CRNKL1: variants seen among roughly 807,000 people sequenced by gnomAD.
CRNKL1 encodes the protein crooked neck pre-mRNA splicing factor 1.
In CRNKL1, 35 loss-of-function variants were observed where a neutral mutation model predicts 103.7. The observed-to-expected ratio is 0.34, with a 90% CI of 0.26 to 0.45. The LOEUF (loss-of-function observed/expected upper bound fraction) is 0.45, where lower values mean the gene tolerates loss of function less well. CRNKL1 is among the 20% of genes least tolerant of loss of function. The pLI is 1.00. For synonymous variants in CRNKL1, 267 were observed against 282.6 expected (o/e 0.94, Z 0.55); for missense variants, 645 against 836.0 (o/e 0.77, Z 2.82).
chr20:20,037,290 G>GT lies in CRNKL1; in HGVS notation c.1896+32dup, dbSNP rs747018828. 6.3e-6 allele frequency: 10 copies of GT among 1,598,624 alleles called. No homozygotes were observed. In the South Asian group the frequency reaches 1.1e-4, roughly 18 times the overall value. The stretch of plus-strand genomic sequence containing the variant: ...TCAGAAGTGTTTCTACTCATGTGAC[G>GT]TGAGATGAACAGTCCCAGGGCAGAG... On this transcript the variant is annotated intron_variant, in intron 13 of 13. Coordinates refer to ENST00000536226, the MANE Select transcript of CRNKL1 (RefSeq NM_001278628.2).
At chr20:20,049,684 T>G (rs992858360) in intron 2 of CRNKL1, among the ~76,000 whole-genome samples, 12 of 152,234 alleles carry the variant, frequency 7.9e-5, no homozygotes, top group African/African-American at 2.7e-4. Flanking sequence ...CCTCTGGTAA[T>G]TCTCAGAATT....
At chr20:20,052,743 A>C, upstream of CRNKL1, 1 of 1,576,868 alleles carries the variant, frequency 6.3e-7, no homozygotes, top group African/African-American at 1.4e-5. Flanking sequence ...GTAAGAACGG[A>C]GCTCCAATCT....
chr20:20,043,999 C>T (rs1423666724), intron 6 of CRNKL1, among the ~76,000 whole-genome samples: 1 of 152,192 alleles, frequency 6.6e-6, no homozygotes, highest in Non-Finnish European at 1.5e-5. Flanking sequence ...GCCTAACCTA[C>T]AGTCACTTGC....
At chr20:20,054,189 A>G (rs1692535761), upstream of CRNKL1, among the ~76,000 whole-genome samples, 1 of 151,780 alleles carries the variant, frequency 6.6e-6, no homozygotes, top group African/African-American at 2.4e-5. Flanking sequence ...TTCTTTCTAC[A>G]AGATTCTTTG....
chr20:20,049,828 T>G (rs2043656998), intron 2 of CRNKL1, among the ~76,000 whole-genome samples: 1 of 151,994 alleles, frequency 6.6e-6, no homozygotes, highest in Non-Finnish European at 1.5e-5. Flanking sequence ...CTTTCTTTTT[T>G]TTTTTTTGAG....
chr20:20,045,624 A>C, intron 5 of CRNKL1, 138 bp from the exon 6 acceptor site: 1 of 707,100 alleles, frequency 1.4e-6, no homozygotes, highest in Non-Finnish European at 2.3e-6. Flanking sequence ...AACACATACA[A>C]AAGTGTAGAA....
chr20:20,037,227 G>T, intron 13 of CRNKL1, 96 bp downstream of exon 13: 1 of 1,434,494 alleles, frequency 7.0e-7, no homozygotes, highest in Non-Finnish European at 9.4e-7. Context: ...TCCATTCTAA[G>T]ATTGTACATA....
chr20:20,034,545 A>ACAT lies in CRNKL1; in HGVS notation c.*1647_*1649dup, dbSNP rs748784989. ...AATTTTTTTCTTATGCATTCATGCA[A>ACAT]CATAAACAGATAATTCTAGGAAGAC... On this transcript the variant is annotated 3_prime_UTR_variant, in exon 14 of 14. Transcript: ENST00000536226. 2.3e-5 allele frequency: 3 copies of ACAT among 130,794 alleles called. No individual in the cohort carries two copies. Among genetic ancestry groups the ACAT allele is most frequent in the African/African-American group, 7.4e-5 (3 of 40,590 alleles). 8.1% of individuals were successfully genotyped at this position (130,794 alleles called of 1,614,324 possible). A position where few individuals can be genotyped will look rare whatever the true frequency, so the allele number is the denominator to read the frequency against.
intron 4 of CRNKL1, 67 bp from the exon 5 acceptor site, chr20:20,047,998 T>C (rs768059660): frequency 8.3e-5 from 124 of 1,502,972 alleles, no homozygotes; most frequent in African/African-American, 1.1e-4. Flanking sequence ...GGGAAGAAGA[T>C]TGAAGATTTT....
rs1269930833 is a variant in CRNKL1 at position 20,037,435 on chromosome 20, T to G, written c.1784A>C (p.Glu595Ala). 6 of 1,614,170 alleles carry G rather than the reference T, an allele frequency of 3.7e-6. No individual in the cohort carries two copies. The highest frequency in any genetic ancestry group is 4.2e-6 in the Non-Finnish European group (5 of 1,180,028). ...TTCTTCTTCAAAACTTCGCCAAGATTCCAGCAGCATAAGTCTCTCTTCCTT... is the reference window on the plus strand; with the variant it reads ...TTCTTCTTCAAAACTTCGCCAAGATGCCAGCAGCATAAGTCTCTCTTCCTT... Reference protein sequence around the residue: ...EEKEERLMLLESWRSFEEEFG... With the variant: ...EEKEERLMLLASWRSFEEEFG... Residue 595 changes from glutamate (E) to alanine (A), a missense_variant, in exon 13 of 14, where the codon GAA (glutamate) becomes GCA (alanine). Physicochemically the swap from Glu to Ala is moderately radical, Grantham distance 107. Transcript: ENST00000536226.
rs567095170 is a variant in CRNKL1, at chr20:20,048,508, A to C, written c.297-7T>G. On this transcript the variant is annotated splice_region_variant and splice_polypyrimidine_tract_variant and intron_variant, in intron 3 of 13. Coordinates refer to ENST00000536226, the MANE Select transcript of CRNKL1 (RefSeq NM_001278628.2). ...CTCGTATATGGATCGAGCCCTTAAGAAGCAAGATTTGCAGGGCATCAAAAA... is the reference window on the plus strand; with the variant it reads ...CTCGTATATGGATCGAGCCCTTAAGCAGCAAGATTTGCAGGGCATCAAAAA... The C allele has an allele frequency of 2.5e-6, 4 of 1,613,568 alleles. No homozygotes were observed. The South Asian group carries it at 3.3e-5, about 13-fold the overall frequency.
Position 20,045,301 on chromosome 20 carries a change from T to C in CRNKL1, c.801+7A>G. ...TTTTACAGTATAATGAAGTTAGGTATACTTACCTCTTTCTGATTTTCTTCA... is the reference window on the plus strand; with the variant it reads ...TTTTACAGTATAATGAAGTTAGGTACACTTACCTCTTTCTGATTTTCTTCA... On this transcript the variant is annotated splice_region_variant and intron_variant, in intron 6 of 13. Coordinates refer to ENST00000536226, the MANE Select transcript of CRNKL1 (RefSeq NM_001278628.2). The C allele has an allele frequency of 1.9e-6, 3 of 1,606,922 alleles. No individual in the cohort carries two copies. The highest frequency in any genetic ancestry group is 1.1e-5 in the South Asian group (1 of 89,966).
At chr20:20,043,089 G>T (rs1393616814) in intron 7 of CRNKL1, among the ~76,000 whole-genome samples, 1 of 152,188 alleles carries the variant, frequency 6.6e-6, no homozygotes, top group African/African-American at 2.4e-5. Context: ...AAGAGATGCC[G>T]ATGGAACCCT....
chr20:20,045,428 T>C lies in CRNKL1; in HGVS notation c.681A>G (p.Lys227=). 3 of 1,613,140 alleles carry C rather than the reference T, an allele frequency of 1.9e-6. No individual in the cohort carries two copies. Among genetic ancestry groups the C allele is most frequent in the Admixed American group, 3.3e-5 (2 of 59,884 alleles). ...TCCGTGCATGGGCAAAATAAGCATGTTTTTCTTCAAAGCGGGCATACTTGA... is the reference window on the plus strand; with the variant it reads ...TCCGTGCATGGGCAAAATAAGCATGCTTTTCTTCAAAGCGGGCATACTTGA... ...NWIKYARFEE[K]HAYFAHARKV... Residue 227 remains lysine, a synonymous_variant, in exon 6 of 14, where the codon AAA becomes AAG. Transcript: ENST00000536226.
intron 11 of CRNKL1, among the ~76,000 whole-genome samples, chr20:20,039,027 A>T (rs1053972498): frequency 6.6e-6 from 1 of 152,220 alleles, no homozygotes; most frequent in East Asian, 1.9e-4. Context: ...TAATTAATGC[A>T]ATCAGGGGGC....
intron 12 of CRNKL1, 145 bp from the exon 13 acceptor site, chr20:20,037,716 A>G: frequency 1.4e-6 from 1 of 705,560 alleles, no homozygotes; most frequent in African/African-American, 1.8e-5. Flanking sequence ...CAATGAATAT[A>G]TGCTTCAATA....
chr20:20,036,051 C>CATTTAAAAAATAACTT lies in CRNKL1; in HGVS notation c.*128_*143dup. 1 of 849,522 alleles carries CATTTAAAAAATAACTT rather than the reference C, an allele frequency of 1.2e-6. No homozygotes were observed. The highest frequency in any genetic ancestry group is 1.7e-6 in the Non-Finnish European group (1 of 572,524). 52.6% of individuals were successfully genotyped at this position (849,522 alleles called of 1,614,324 possible). A position where few individuals can be genotyped will look rare whatever the true frequency, so the allele number is the denominator to read the frequency against. On this transcript the variant is annotated 3_prime_UTR_variant, in exon 14 of 14. Transcript: ENST00000536226. The stretch of plus-strand genomic sequence containing the variant: ...TCCCTACCCCTAGCTAACCCAAGAG[C>CATTTAAAAAATAACTT]ATTTAAAAAATAACTTAAAAAGTAG...
rs753067369 is a variant in CRNKL1, at chr20:20,042,564, C to G, written c.973-48G>C. On this transcript the variant is annotated intron_variant, in intron 7 of 13. Coordinates refer to ENST00000536226, the MANE Select transcript of CRNKL1 (RefSeq NM_001278628.2). The stretch of plus-strand genomic sequence containing the variant: ...AAATAAAAAACAAAACCAAGAGCTG[C>G]ACTTGCCAGGTTAAGCAAGCTGAAA... The G allele has an allele frequency of 6.5e-6, 10 of 1,542,144 alleles. No homozygotes were observed. The Admixed American group carries it at 2.0e-4, about 31-fold the overall frequency.
chr20:20,039,868 G>A lies in CRNKL1; in HGVS notation c.1306-20C>T, dbSNP rs2043484122. ...AGTTCCCTGGAAAATAAAATAACCAGACCACTGTGATACTGTAGTGGATTT... is the reference window on the plus strand; with the variant it reads ...AGTTCCCTGGAAAATAAAATAACCAAACCACTGTGATACTGTAGTGGATTT... On this transcript the variant is annotated intron_variant, in intron 10 of 13. Coordinates refer to ENST00000536226, the MANE Select transcript of CRNKL1 (RefSeq NM_001278628.2). 6.2e-7 allele frequency: 1 copy of A among 1,610,948 alleles called. No individual in the cohort carries two copies. The highest frequency in any genetic ancestry group is 1.3e-5 in the African/African-American group (1 of 74,744).
Sources: allele counts gnomAD v4.1 joint callset (sites outside exome capture counted in the v4.1 genomes callset), GRCh38; gene constraint gnomAD v4.1.1; transcripts MANE v1.5; gene names NCBI Gene and HGNC (gene_info 2026-07-23, HGNC 2026-07-21).